VPS53: variants seen among roughly 807,000 people sequenced by gnomAD.
VPS53 encodes VPS53 subunit of GARP complex.
In VPS53, 70 loss-of-function variants were observed where a neutral mutation model predicts 107.0. The ratio of observed to expected loss-of-function variants is 0.65; its 90% CI spans 0.54 to 0.80. The LOEUF is 0.80. Ranked by LOEUF, VPS53 falls within the 30% of genes least tolerant of loss-of-function variation. The pLI is 0.00. For synonymous variants in VPS53, 409 were observed against 393.3 expected (o/e 1.04, Z -0.47); for missense variants, 917 against 1,049.4 (o/e 0.87, Z 1.74).
chr17:698,636 G>C (rs993417911), intron 3 of VPS53, among the ~76,000 whole-genome samples: 2 of 151,602 alleles, frequency 1.3e-5, no homozygotes, highest in Non-Finnish European at 2.9e-5. Flanking sequence ...CCAGGAGTTC[G>C]AGGCTGCAGT....
chr17:653,278 G>A lies in VPS53; in HGVS notation c.608+13C>T, dbSNP rs1348443711. On this transcript the variant is annotated intron_variant, in intron 7 of 21. Coordinates refer to ENST00000437048, the MANE Select transcript of VPS53 (RefSeq NM_001128159.3). ...CGGAATCCCCATATACTTTCCCTCT[G>A]GTGACAGTTTACCTTTCGGAAAGCT... 2.5e-6 allele frequency: 4 copies of A among 1,609,742 alleles called. No individual in the cohort carries two copies. The highest frequency in any genetic ancestry group is 3.4e-6 in the Non-Finnish European group (4 of 1,179,000).
At chr17:644,801 C>T (rs187160733) in intron 7 of VPS53, among the ~76,000 whole-genome samples, 3 of 152,312 alleles carry the variant, frequency 2.0e-5, no homozygotes, top group Admixed American at 2.0e-4. Flanking sequence ...CCAGGCTGGT[C>T]TTGAACTCCA....
At chr17:589,334 C>T (rs1249043300) in intron 12 of VPS53, among the ~76,000 whole-genome samples, 3 of 151,792 alleles carry the variant, frequency 2.0e-5, no homozygotes, top group African/African-American at 7.3e-5. Flanking sequence ...TTATGAAAAT[C>T]TTTAAAAGCC....
At chr17:657,902 T>C (rs1403737609) in intron 5 of VPS53, among the ~76,000 whole-genome samples, 1 of 151,078 alleles carries the variant, frequency 6.6e-6, no homozygotes, top group Non-Finnish European at 1.5e-5. Context: ...CCCACTAAAG[T>C]GAGAAACTCG....
chr17:620,579 C>T (rs956014853), intron 11 of VPS53, among the ~76,000 whole-genome samples: 3 of 152,116 alleles, frequency 2.0e-5, no homozygotes, highest in African/African-American at 7.2e-5. Context: ...GCTGATGAAG[C>T]ACAGTGACTG....
At position 514,819 on chromosome 17, in the gene VPS53, T is replaced by G. The variant is rs1029502483; in HGVS notation, c.*4309A>C. 2.0e-5 allele frequency: 3 copies of G among 152,330 alleles called. No individual in the cohort carries two copies. Among genetic ancestry groups the G allele is most frequent in the Non-Finnish European group, 4.4e-5 (3 of 68,110 alleles). 9.4% of individuals were successfully genotyped at this position (152,330 alleles called of 1,614,324 possible). ...CTGCACAGAGGAGCCACCCTAGACA[T>G]AAGAAATCAGGCACCCCTTCTCGGG... On this transcript the variant is annotated 3_prime_UTR_variant, in exon 22 of 22. Coordinates refer to ENST00000437048, the MANE Select transcript of VPS53 (RefSeq NM_001128159.3).
chr17:667,190 C>T (rs73975801), intron 4 of VPS53, among the ~76,000 whole-genome samples: 10,555 of 152,122 alleles, frequency 0.069, 583 homozygotes, highest in African/African-American at 0.15. Context: ...TTTATGGGGA[C>T]TTTTGCCACA....
chr17:578,850 G>A (rs768093849), intron 13 of VPS53, among the ~76,000 whole-genome samples: 3 of 139,896 alleles, frequency 2.1e-5, no homozygotes, highest in Non-Finnish European at 3.1e-5. Flanking sequence ...GACCTAATGC[G>A]GTCCCAGAGA....
intron 5 of VPS53, chr17:656,806 C>G (rs763982520): frequency 1.3e-6 from 2 of 1,543,354 alleles, no homozygotes; most frequent in African/African-American, 2.7e-5. Context: ...ACCCGCTGCT[C>G]TGTTTGGCCG....
At chr17:705,825 G>GTCCA (rs1439430832) in intron 2 of VPS53, 1 of 152,308 alleles carries the variant, frequency 6.6e-6, no homozygotes, top group African/African-American at 2.4e-5. Flanking sequence ...GAGTGCTTGA[G>GTCCA]TCCAGGAATT....
intron 4 of VPS53, among the ~76,000 whole-genome samples, chr17:689,509 T>C (rs1022486871): frequency 4.9e-5 from 7 of 141,588 alleles, no homozygotes; most frequent in Non-Finnish European, 7.5e-5. Context: ...AGTCTCACTC[T>C]GTCACCAAGG....
At chr17:609,768 A>C (rs1047795754) in intron 11 of VPS53, among the ~76,000 whole-genome samples, 11 of 152,222 alleles carry the variant, frequency 7.2e-5, no homozygotes, top group African/African-American at 2.4e-4. Flanking sequence ...TGCTTTGGGT[A>C]AGAGACAGCG....
At chr17:657,747 C>A (rs72810208) in intron 5 of VPS53, among the ~76,000 whole-genome samples, 6,285 of 152,030 alleles carry the variant, frequency 0.041, 222 homozygotes, top group Non-Finnish European at 0.061. Flanking sequence ...TGGATAGATA[C>A]GTCCTCATTA....
chr17:602,901 A>T (rs573757040), intron 11 of VPS53, among the ~76,000 whole-genome samples: 1 of 152,290 alleles, frequency 6.6e-6, no homozygotes, highest in South Asian at 2.1e-4. Context: ...AACAGAAAAG[A>T]GGGACTGCTT....
intron 12 of VPS53, among the ~76,000 whole-genome samples, chr17:590,012 T>C (rs933904045): frequency 2.0e-5 from 3 of 152,326 alleles, no homozygotes; most frequent in African/African-American, 7.2e-5. Context: ...CTCATGAGAA[T>C]GGAATGTTCT....
chr17:693,403 C>T (rs1479195410), intron 4 of VPS53, among the ~76,000 whole-genome samples: 1 of 152,098 alleles, frequency 6.6e-6, no homozygotes, highest in Non-Finnish European at 1.5e-5. Flanking sequence ...CACTGGGGGT[C>T]TTGGAATGTA....
At chr17:626,889 G>C (rs979144792) in intron 10 of VPS53, among the ~76,000 whole-genome samples, 10 of 152,136 alleles carry the variant, frequency 6.6e-5, no homozygotes, top group South Asian at 6.2e-4. Flanking sequence ...GGGAAAACGT[G>C]GGGTAGAGGA....
intron 7 of VPS53, among the ~76,000 whole-genome samples, chr17:635,731 G>C (rs1013232471): frequency 2.4e-4 from 36 of 152,044 alleles, no homozygotes; most frequent in Non-Finnish European, 5.1e-4. Context: ...ATTTCTGAGG[G>C]CTCTGTTCTG....
chr17:619,995 T>C (rs1336138978), intron 11 of VPS53, among the ~76,000 whole-genome samples: 1 of 152,108 alleles, frequency 6.6e-6, no homozygotes. Context: ...TAGTATTTCC[T>C]TTTCTGACCT....
Sources: allele counts gnomAD v4.1 joint callset (sites outside exome capture counted in the v4.1 genomes callset), GRCh38; gene constraint gnomAD v4.1.1; transcripts MANE v1.5; gene names NCBI Gene and HGNC (gene_info 2026-07-23, HGNC 2026-07-21).